The following SPAG16 variants were observed in gnomAD, a reference collection of about 807,000 sequenced individuals.
SPAG16 encodes the protein sperm-associated antigen 16 protein.
SPAG16 carries 86 observed loss-of-function variants against 80.4 expected under a neutral mutation model. The ratio of observed to expected loss-of-function variants is 1.07; its 90% CI spans 0.90 to 1.28. The LOEUF is 1.28. Ranked by LOEUF, SPAG16 falls within the 50% of genes most tolerant of loss-of-function variation. The pLI is 0.00. For synonymous variants in SPAG16, 294 were observed against 265.9 expected, an observed-to-expected ratio of 1.11 and a Z score of -1.03; for missense variants, 870 against 765.3, an observed-to-expected ratio of 1.14 and a Z score of -1.61.
chr2:213,609,560 T>G (rs1230904925), intron 10 of SPAG16, among the ~76,000 whole-genome samples: 1 of 152,218 alleles, frequency 6.6e-6, no homozygotes, highest in African/African-American at 2.4e-5. Flanking sequence ...CAGCAATCTA[T>G]TGAGTTCCAT....
At chr2:213,978,008 T>A (rs1284927502) in intron 12 of SPAG16, among the ~76,000 whole-genome samples, 4 of 151,696 alleles carry the variant, frequency 2.6e-5, no homozygotes, top group South Asian at 4.2e-4. Context: ...GGATTTATGA[T>A]GCGCACCCTT....
At chr2:213,740,105 A>G (rs1225114586) in intron 10 of SPAG16, among the ~76,000 whole-genome samples, 2 of 152,138 alleles carry the variant, frequency 1.3e-5, no homozygotes, top group Non-Finnish European at 2.9e-5. Context: ...GAAAAATCAT[A>G]TTACATTACA....
chr2:214,370,951 T>C (rs1346027362), intron 15 of SPAG16, among the ~76,000 whole-genome samples: 1 of 152,218 alleles, frequency 6.6e-6, no homozygotes, highest in Non-Finnish European at 1.5e-5. Flanking sequence ...CTTGATACTT[T>C]CAGGTCTACT....
chr2:213,578,814 T>A (rs1203745061), intron 10 of SPAG16, among the ~76,000 whole-genome samples: 2 of 152,062 alleles, frequency 1.3e-5, no homozygotes, highest in African/African-American at 4.8e-5. Context: ...GTAACAAATA[T>A]CAGCTTTGTT....
chr2:213,552,745 G>A (rs963752211), intron 10 of SPAG16, among the ~76,000 whole-genome samples: 3 of 152,006 alleles, frequency 2.0e-5, no homozygotes, highest in Non-Finnish European at 4.4e-5. Flanking sequence ...ACTAGGAGAG[G>A]CAGACCCACC....
intron 10 of SPAG16, among the ~76,000 whole-genome samples, chr2:213,680,232 AG>A (rs1488568995): frequency 9.2e-5 from 14 of 152,128 alleles, no homozygotes; most frequent in Non-Finnish European, 1.9e-4. Context: ...GGTATCAGCA[AG>A]AACTCCACCT....
At chr2:214,049,266 T>G (rs1559734163) in intron 13 of SPAG16, among the ~76,000 whole-genome samples, 1 of 152,204 alleles carries the variant, frequency 6.6e-6, no homozygotes, top group Non-Finnish European at 1.5e-5. Flanking sequence ...TTTGTTGTAT[T>G]AAAGGAAGTC....
At chr2:213,467,531 A>G (rs912181076) in intron 9 of SPAG16, among the ~76,000 whole-genome samples, 11 of 152,294 alleles carry the variant, frequency 7.2e-5, no homozygotes, top group Admixed American at 1.3e-4. Context: ...TTTTCTTGAG[A>G]TGCCCCTCAT....
Position 214,034,609 on chromosome 2 carries a change from G to A in SPAG16, c.1527+20532G>A, listed in dbSNP as rs562848550. 1.2e-4 allele frequency among the ~76,000 whole-genome samples: 18 copies of A among 152,360 alleles called. 1 individual carries two copies. In the South Asian group the frequency reaches 2.3e-3, roughly 19 times the overall value. Reference sequence around the variant, plus strand: ...CATAGCCAGGCACGCTGGCTGCAGCGGGGTGGGCAGCTCCAGGCACTGACA... The same window carrying A: ...CATAGCCAGGCACGCTGGCTGCAGCAGGGTGGGCAGCTCCAGGCACTGACA... On this transcript the variant is annotated intron_variant, in intron 13 of 15. Transcript: ENST00000331683.
At chr2:213,702,457 G>A (rs1163151719) in intron 10 of SPAG16, among the ~76,000 whole-genome samples, 4 of 152,274 alleles carry the variant, frequency 2.6e-5, no homozygotes, top group East Asian at 1.9e-4. Context: ...TGAGGCCAGT[G>A]AGACCACGAA....
chr2:213,346,113 A>G (rs1269718987), intron 6 of SPAG16, among the ~76,000 whole-genome samples: 1 of 151,948 alleles, frequency 6.6e-6, no homozygotes, highest in African/African-American at 2.4e-5. Flanking sequence ...TGTAAGTTGG[A>G]TTCCTAGGTA....
intron 10 of SPAG16, among the ~76,000 whole-genome samples, chr2:213,550,742 T>C (rs370228793): frequency 1.3e-5 from 2 of 152,246 alleles, no homozygotes; most frequent in East Asian, 1.9e-4. Context: ...TCTAAATTTA[T>C]TGGCTATGGG....
chr2:213,520,019 A>C (rs1193249298), intron 10 of SPAG16, among the ~76,000 whole-genome samples: 1 of 151,746 alleles, frequency 6.6e-6, no homozygotes, highest in Non-Finnish European at 1.5e-5. Context: ...ACACATATGC[A>C]TGTGCGTGCA....
chr2:213,764,432 A>G (rs1317408050), intron 10 of SPAG16, among the ~76,000 whole-genome samples: 1 of 152,186 alleles, frequency 6.6e-6, no homozygotes, highest in Non-Finnish European at 1.5e-5. Flanking sequence ...ATAAACTACA[A>G]AAGACAATAA....
Position 213,792,862 on chromosome 2 carries a change from A to G in SPAG16, c.1071-69623A>G, listed in dbSNP as rs887531905. 4.6e-5 allele frequency among the ~76,000 whole-genome samples: 7 copies of G among 151,846 alleles called. No individual in the cohort carries two copies. In the Middle Eastern group the frequency reaches 0.01, roughly 221 times the overall value. On this transcript the variant is annotated intron_variant, in intron 10 of 15. Coordinates refer to ENST00000331683, the MANE Select transcript of SPAG16 (RefSeq NM_024532.5). ...TGAAATGTTGGTGTTCTTTTCTTCA[A>G]TCCCAGGAGGTCTGAATCCCACGTC...
At chr2:214,291,300 C>CTTTTTTTTTTTTTTTTTTTTTTTTTTT (rs56771172) in intron 15 of SPAG16, among the ~76,000 whole-genome samples, 1 of 80,484 alleles carries the variant, frequency 1.2e-5, no homozygotes, top group African/African-American at 5.1e-5. Context: ...GATCATGTTT[C>CTTTTTTTTTTTTTTTTTTTTTTTTTTT]TTTTTTTTTT....
chr2:213,429,082 A>C, intron 9 of SPAG16, among the ~76,000 whole-genome samples: 1 of 130,500 alleles, frequency 7.7e-6, no homozygotes, highest in Non-Finnish European at 1.6e-5. Flanking sequence ...ACAGTGTGAG[A>C]CTCCATCTCA....
At chr2:213,737,613 G>A (rs1415140912) in intron 10 of SPAG16, among the ~76,000 whole-genome samples, 4 of 151,062 alleles carry the variant, frequency 2.6e-5, no homozygotes, top group Non-Finnish European at 5.9e-5. Flanking sequence ...TCAGCCTCCC[G>A]AGTAGCTGGG....
At chr2:213,486,070 A>C (rs999268084) in intron 9 of SPAG16, among the ~76,000 whole-genome samples, 2 of 152,174 alleles carry the variant, frequency 1.3e-5, no homozygotes, top group Non-Finnish European at 2.9e-5. Flanking sequence ...TCTTTATGTT[A>C]TAAATGTTTG....
Sources: allele counts gnomAD v4.1 joint callset (sites outside exome capture counted in the v4.1 genomes callset), GRCh38; gene constraint gnomAD v4.1.1; transcripts MANE v1.5; gene names NCBI Gene and HGNC (gene_info 2026-07-23, HGNC 2026-07-21).